The following LRP8 variants were observed in gnomAD, a reference collection of about 807,000 sequenced individuals.
LRP8 encodes the protein LDL receptor related protein 8, also known as low-density lipoprotein receptor-related protein 8.
A neutral mutation model predicts 111.6 loss-of-function variants in LRP8; 46 were observed. The observed-to-expected ratio is 0.41, with a 90% CI of 0.33 to 0.53. The LOEUF (loss-of-function observed/expected upper bound fraction) is 0.53, where lower values mean the gene tolerates loss of function less well. LRP8 is among the 20% of genes least tolerant of loss of function. The pLI is 0.20. For synonymous variants in LRP8, 464 were observed against 511.2 expected (o/e 0.91, Z 1.24); for missense variants, 959 against 1,297.4 (o/e 0.74, Z 4.01).
intron 2 of LRP8, among the ~76,000 whole-genome samples, chr1:53,322,761 A>T (rs1333806833): frequency 1.3e-5 from 2 of 152,172 alleles, no homozygotes; most frequent in African/African-American, 4.8e-5. Context: ...TGTCAGGAGC[A>T]CACGTCCAGG....
chr1:53,322,728 G>T (rs1398806262), intron 2 of LRP8, among the ~76,000 whole-genome samples: 1 of 152,218 alleles, frequency 6.6e-6, no homozygotes, highest in Non-Finnish European at 1.5e-5. Context: ...CTCCATCCAC[G>T]AAGGAGATGA....
chr1:53,326,355 T>C (rs1655122682), intron 2 of LRP8, among the ~76,000 whole-genome samples: 1 of 152,198 alleles, frequency 6.6e-6, no homozygotes, highest in Non-Finnish European at 1.5e-5. Flanking sequence ...TGCTCCGCGA[T>C]TGGCCGCTCC....
At chr1:53,321,635 A>C (rs1197821239) in intron 2 of LRP8, among the ~76,000 whole-genome samples, 3 of 152,190 alleles carry the variant, frequency 2.0e-5, no homozygotes, top group Non-Finnish European at 4.4e-5. Flanking sequence ...GGCCACCAGC[A>C]GACAACTGGG....
Position 53,262,697 on chromosome 1 carries a change from C to G in LRP8, c.1656-133G>C. The G allele has an allele frequency of 1.4e-6, 1 of 708,890 alleles. No individual in the cohort carries two copies. The highest frequency in any genetic ancestry group is 1.6e-5 in the South Asian group (1 of 60,966). 43.9% of individuals were successfully genotyped at this position (708,890 alleles called of 1,614,324 possible). A position where few individuals can be genotyped will look rare whatever the true frequency, so the allele number is the denominator to read the frequency against. On this transcript the variant is annotated intron_variant, in intron 10 of 18. Transcript: ENST00000306052. This position sits in a 1 kb window ranked among gnomAD's most constrained non-coding sequence, Gnocchi z 4.8. Reference sequence around the variant, plus strand: ...AGGGACTGAGAAGACCTCTAAAGTTCTTTTGAACCATCAAATCTTAGATTT... The same window carrying G: ...AGGGACTGAGAAGACCTCTAAAGTTGTTTTGAACCATCAAATCTTAGATTT...
chr1:53,299,732 T>G (rs1472571894), intron 2 of LRP8, among the ~76,000 whole-genome samples: 1 of 152,250 alleles, frequency 6.6e-6, no homozygotes, highest in African/African-American at 2.4e-5. Flanking sequence ...GTTAAGAATA[T>G]CTCACTGAGA....
intron 6 of LRP8, chr1:53,274,558 C>T (rs1646857973): frequency 7.6e-6 from 3 of 394,624 alleles, no homozygotes; most frequent in South Asian, 3.7e-5. Context: ...CATGTGAAGC[C>T]ATAGGACGGC....
chr1:53,283,442 G>A (rs1016385351), intron 3 of LRP8, among the ~76,000 whole-genome samples: 9 of 149,756 alleles, frequency 6.0e-5, no homozygotes, highest in East Asian at 2.1e-4. Flanking sequence ...CTACATACCC[G>A]GGCCACTTAC....
chr1:53,307,088 G>C (rs546227104), intron 2 of LRP8, among the ~76,000 whole-genome samples: 19 of 152,248 alleles, frequency 1.2e-4, no homozygotes, highest in African/African-American at 3.6e-4. Context: ...TACTGAGTAG[G>C]GGGGGTGGTA....
At chr1:53,307,973 C>T (rs1450228894) in intron 2 of LRP8, among the ~76,000 whole-genome samples, 1 of 152,186 alleles carries the variant, frequency 6.6e-6, no homozygotes. Flanking sequence ...TGAGCCTGAT[C>T]CTGGTTCCAA....
chr1:53,276,773 G>A lies in LRP8; in HGVS notation c.802C>T (p.Arg268Cys). The A allele has an allele frequency of 7.0e-7, 1 of 1,420,742 alleles. No homozygotes were observed. The highest frequency in any genetic ancestry group is 9.2e-7 in the Non-Finnish European group (1 of 1,082,726). 88.0% of individuals were successfully genotyped at this position (1,420,742 alleles called of 1,614,324 possible). The part of the protein sequence containing the change: ...ACATASQFAC[R>C]SGECVHLGWR... ...CCCAGGTGCACGCACTCGCCGCTGC[G>A]GCAGGCGAACTGGGAGGCGGTGGCG... Residue 268 changes from arginine (R) to cysteine (C), a missense_variant, in exon 5 of 19, where the codon CGC becomes TGC. Physicochemically the swap from Arg to Cys is radical, Grantham distance 180 (BLOSUM62 -3). Coordinates refer to ENST00000306052, the MANE Select transcript of LRP8 (RefSeq NM_004631.5).
intron 14 of LRP8, chr1:53,257,977 A>C (rs1646166167): frequency 4.7e-6 from 1 of 214,270 alleles, no homozygotes; most frequent in African/African-American, 2.3e-5. Flanking sequence ...TCTAGGTGAG[A>C]AACAGGCAAA....
At chr1:53,309,444 A>G (rs1225051957) in intron 2 of LRP8, among the ~76,000 whole-genome samples, 1 of 152,188 alleles carries the variant, frequency 6.6e-6, no homozygotes, top group Admixed American at 6.5e-5. Context: ...CCTGTGCAGA[A>G]GAGGAAACCA....
chr1:53,262,526 A>G lies in LRP8; in HGVS notation c.1694T>C (p.Ile565Thr), dbSNP rs1646381726. The G allele has an allele frequency of 2.5e-6, 4 of 1,614,056 alleles. No individual in the cohort carries two copies. Among genetic ancestry groups the G allele is most frequent in the Admixed American group, 1.7e-5 (1 of 59,998 alleles). Residue 565 changes from isoleucine to threonine, a missense_variant, in exon 11 of 19, where the codon ATT becomes ACT. Ile to Thr is a moderately conservative substitution (Grantham distance 89). Transcript: ENST00000306052. This position sits in a 1 kb window ranked among gnomAD's most constrained non-coding sequence, Gnocchi z 4.8. ...YWSDWGDQAK[I>T]EKSGLNGVDR... is the part of the protein sequence containing the mutation. ...CACACCGTTGAGCCCAGATTTCTCA[A>G]TCTTGGCCTGGTCCCCCCAGTCAGA...
Position 53,250,128 on chromosome 1 carries a change from G to A in LRP8, c.2676+562C>T, listed in dbSNP as rs1645847950. 6.6e-6 allele frequency among the ~76,000 whole-genome samples: 1 copy of A among 152,208 alleles called. No homozygotes were observed. Among genetic ancestry groups the A allele is most frequent in the Admixed American group, 6.5e-5 (1 of 15,286 alleles). ...TCAGCACACAATTATACCACTGTAT[G>A]TTAGTATCTCTAACTCCCTACCAGC... On this transcript the variant is annotated intron_variant, in intron 17 of 18. Transcript: ENST00000306052. This position sits in a 1 kb window ranked among gnomAD's most constrained non-coding sequence, Gnocchi z 4.6.
chr1:53,323,086 C>T (rs1233113709), intron 2 of LRP8, among the ~76,000 whole-genome samples: 1 of 152,112 alleles, frequency 6.6e-6, no homozygotes, highest in Non-Finnish European at 1.5e-5. Flanking sequence ...GAGGAGGAAG[C>T]GAGGTGGAGT....
Position 53,246,978 on chromosome 1 carries a change from G to C in LRP8, c.*40C>G. 1 of 1,589,878 alleles carries C rather than the reference G, an allele frequency of 6.3e-7. No homozygotes were observed. The highest frequency in any genetic ancestry group is 2.3e-5 in the East Asian group (1 of 44,442). On this transcript the variant is annotated 3_prime_UTR_variant, in exon 19 of 19. Transcript: ENST00000306052. ...TACACCATCCAGAGTGTAGTGCATG[G>C]GACTGAATTCCATGAGGCACGAAGG...
At position 53,327,025 on chromosome 1, in the gene LRP8, C is replaced by A. The variant is rs961170979; in HGVS notation, c.125-33G>T. 2.5e-6 allele frequency: 4 copies of A among 1,607,150 alleles called. No homozygotes were observed. In the African/African-American group the frequency reaches 5.3e-5, roughly 21 times the overall value. On this transcript the variant is annotated intron_variant, in intron 1 of 18. Coordinates refer to ENST00000306052, the MANE Select transcript of LRP8 (RefSeq NM_004631.5). The stretch of plus-strand genomic sequence containing the variant: ...GGGGAGGGAGCGTGAGCTGGATCAG[C>A]GGACTCGGCCCCACTCCCCACCATG...
intron 6 of LRP8, chr1:53,272,710 C>A (rs1391066344): frequency 1.6e-6 from 2 of 1,282,708 alleles, no homozygotes; most frequent in Non-Finnish European, 2.0e-6. Context: ...AGGCCCAGCC[C>A]TGGGAAGCCT....
At chr1:53,292,330 T>A (rs1352071839) in intron 2 of LRP8, among the ~76,000 whole-genome samples, 3 of 152,160 alleles carry the variant, frequency 2.0e-5, no homozygotes, top group Admixed American at 6.5e-5. Context: ...CACCTTCAGA[T>A]GGGTAGATTG....
Sources: allele counts gnomAD v4.1 joint callset (sites outside exome capture counted in the v4.1 genomes callset), GRCh38; gene constraint gnomAD v4.1.1; non-coding constraint Gnocchi (gnomAD v3.1); transcripts MANE v1.5; gene names NCBI Gene and HGNC (gene_info 2026-07-23, HGNC 2026-07-21).